PDS5B: variants seen among roughly 807,000 people sequenced by gnomAD.
PDS5B encodes the protein sister chromatid cohesion protein PDS5 homolog B.
A neutral mutation model predicts 184.1 loss-of-function variants in PDS5B; 51 were observed. The observed-to-expected ratio is 0.28, with a 90% CI of 0.22 to 0.35. The LOEUF (loss-of-function observed/expected upper bound fraction) is 0.35. Among genes scored for constraint, PDS5B ranks in the 10% least tolerant of loss-of-function variants. The pLI, the probability that PDS5B is intolerant of heterozygous loss-of-function variation, is 1.00. For missense variants in PDS5B, 1,180 were observed against 1,723.3 expected (o/e 0.68, Z 5.58); for synonymous variants, 566 against 569.2 (o/e 0.99, Z 0.08).
At chr13:32,752,933 T>A (rs1954037958) in intron 24 of PDS5B, among the ~76,000 whole-genome samples, 1 of 152,156 alleles carries the variant, frequency 6.6e-6, no homozygotes, top group South Asian at 2.1e-4. Flanking sequence ...GTTGTACATT[T>A]TAATATGAAT....
chr13:32,728,850 G>A (rs1343166376), intron 19 of PDS5B, among the ~76,000 whole-genome samples: 1 of 152,116 alleles, frequency 6.6e-6, no homozygotes, highest in African/African-American at 2.4e-5. Context: ...TGAAGCAGAA[G>A]TCCTCTTGTT....
At chr13:32,693,094 C>G (rs1951600216) in intron 13 of PDS5B, among the ~76,000 whole-genome samples, 1 of 151,944 alleles carries the variant, frequency 6.6e-6, no homozygotes, top group African/African-American at 2.4e-5. Context: ...AGTAATTTTA[C>G]AAATGACTAC....
chr13:32,676,104 T>A, intron 9 of PDS5B, 145 bp downstream of exon 9: 1 of 566,350 alleles, frequency 1.8e-6, no homozygotes, highest in South Asian at 2.6e-5. Context: ...AAGTTGTTAA[T>A]GACTGGCTAT....
intron 1 of PDS5B, among the ~76,000 whole-genome samples, chr13:32,606,432 G>T (rs535283906): frequency 6.6e-6 from 1 of 152,150 alleles, no homozygotes; most frequent in Admixed American, 6.6e-5. Context: ...CTGCCGAGAG[G>T]TCTGCTGTTA....
rs34604938 is a variant in PDS5B, at chr13:32,665,588, C to CAAAAAAAAAAAAAA, written c.625-2163_625-2150dup. 1.5e-4 allele frequency among the ~76,000 whole-genome samples: 4 copies of CAAAAAAAAAAAAAA among 25,882 alleles called. 1 individual carries two copies. Among genetic ancestry groups the CAAAAAAAAAAAAAA allele is most frequent in the Non-Finnish European group, 1.9e-4 (3 of 15,402 alleles). The allele number at this position is 25,882 out of a possible 152,430, so 17.0% of individuals were successfully genotyped here. On this transcript the variant is annotated intron_variant, in intron 6 of 34. Coordinates refer to ENST00000315596, the MANE Select transcript of PDS5B (RefSeq NM_015032.4). ...TGGGCGACAGAGCGAGACTCCGACT[C>CAAAAAAAAAAAAAA]AAAAAAAAAAAAAAAAAAAAAAAAA...
intron 20 of PDS5B, among the ~76,000 whole-genome samples, chr13:32,734,105 G>A (rs1953230952): frequency 6.6e-6 from 1 of 151,290 alleles, no homozygotes; most frequent in South Asian, 2.1e-4. Context: ...TCTGCTCACT[G>A]CAACCTCCAC....
chr13:32,650,306 G>GT (rs1950337192), intron 2 of PDS5B: 2 of 152,280 alleles, frequency 1.3e-5, no homozygotes, highest in East Asian at 3.9e-4. Context: ...ATGTCTAGCA[G>GT]TAATCCAGTT....
rs993043300 is a variant in PDS5B at position 32,776,370 on chromosome 13, A to G, written c.*1318A>G. The G allele has an allele frequency of 3.3e-5, 5 of 152,524 alleles. No homozygotes were observed. Among genetic ancestry groups the G allele is most frequent in the African/African-American group, 1.2e-4 (5 of 41,454 alleles). 9.4% of individuals were successfully genotyped at this position (152,524 alleles called of 1,614,324 possible). On this transcript the variant is annotated 3_prime_UTR_variant, in exon 35 of 35. Transcript: ENST00000315596. The stretch of plus-strand genomic sequence containing the variant: ...TCTTGTGAACTTTGAATGAAATTCC[A>G]CTTTGTCCAGATTGGGAGAAGTGGA...
chr13:32,659,095 TA>T, intron 5 of PDS5B, 58 bp from the exon 6 acceptor site: 1 of 1,308,408 alleles, frequency 7.6e-7, no homozygotes, highest in Non-Finnish European at 1.0e-6. Context: ...AGTGTCATCT[TA>T]AGAGTAAATC....
intron 24 of PDS5B, among the ~76,000 whole-genome samples, chr13:32,752,797 G>A (rs781616490): frequency 2.0e-4 from 31 of 152,276 alleles, no homozygotes; most frequent in Middle Eastern, 6.8e-3. Context: ...TTCTGAAATG[G>A]ATTAGTAATC....
At chr13:32,640,622 A>G (rs2058644507) in intron 1 of PDS5B, among the ~76,000 whole-genome samples, 1 of 152,138 alleles carries the variant, frequency 6.6e-6, no homozygotes, top group African/African-American at 2.4e-5. Flanking sequence ...TGCATATGAT[A>G]ATTTTTGAAC....
intron 1 of PDS5B, among the ~76,000 whole-genome samples, chr13:32,607,388 C>T (rs974429487): frequency 1.4e-4 from 22 of 152,328 alleles, no homozygotes; most frequent in African/African-American, 4.8e-4. Context: ...TATTGCAGAA[C>T]GGCAAATGTT....
intron 6 of PDS5B, among the ~76,000 whole-genome samples, chr13:32,663,146 A>C (rs1459049141): frequency 1.3e-5 from 2 of 152,160 alleles, no homozygotes; most frequent in African/African-American, 4.8e-5. Flanking sequence ...TAATTACAGC[A>C]GCAGAACTCA....
intron 14 of PDS5B, 22 bp downstream of exon 14, chr13:32,694,326 C>A (rs1336022835): frequency 1.4e-6 from 2 of 1,461,296 alleles, no homozygotes; most frequent in Non-Finnish European, 1.9e-6. Context: ...TTTTTTCCTT[C>A]AATGTTTTTT....
intron 33 of PDS5B, among the ~76,000 whole-genome samples, 177 bp from the exon 34 acceptor site, chr13:32,773,012 A>C (rs1954841171): frequency 6.6e-6 from 1 of 152,192 alleles, no homozygotes; most frequent in South Asian, 2.1e-4. Flanking sequence ...ATAATATGTA[A>C]CATTCTATGA....
intron 1 of PDS5B, among the ~76,000 whole-genome samples, chr13:32,592,280 G>C (rs2057788231): frequency 6.6e-6 from 1 of 152,120 alleles, no homozygotes; most frequent in Non-Finnish European, 1.5e-5. Context: ...TTGAGACGGA[G>C]TTTCGCACTT....
chr13:32,744,218 T>C (rs1022356010), intron 23 of PDS5B, among the ~76,000 whole-genome samples: 4 of 152,174 alleles, frequency 2.6e-5, no homozygotes, highest in African/African-American at 9.6e-5. Flanking sequence ...TATCTCCTTA[T>C]AGAGTTTATG....
intron 17 of PDS5B, among the ~76,000 whole-genome samples, chr13:32,701,799 T>C (rs998861788): frequency 6.6e-6 from 1 of 152,148 alleles, no homozygotes; most frequent in East Asian, 1.9e-4. Context: ...TTAGGTAATA[T>C]AAATAAATTT....
intron 1 of PDS5B, among the ~76,000 whole-genome samples, chr13:32,603,900 G>C (rs549917614): frequency 6.6e-6 from 1 of 152,212 alleles, no homozygotes; most frequent in South Asian, 2.1e-4. Flanking sequence ...GTATAGGAAT[G>C]CTTGTGATTT....
Sources: gnomAD v4.1 joint callset for allele counts (sites outside exome capture counted in the v4.1 genomes callset) on GRCh38, gnomAD v4.1.1 for gene constraint, MANE v1.5 for transcripts, NCBI Gene and HGNC (gene_info 2026-07-23, HGNC 2026-07-21) for gene names.